Variants in PROM2 observed in about 807,000 individuals in gnomAD.
The protein encoded by PROM2 is prominin 2.
Under a neutral mutation model 110.2 loss-of-function variants are expected in PROM2, and 90 were observed. The ratio of observed to expected loss-of-function variants is 0.82; its 90% CI spans 0.69 to 0.97. The LOEUF is 0.97. PROM2 is among the 50% of genes least tolerant of loss of function. The pLI, the probability that PROM2 is intolerant of heterozygous loss-of-function variation, is 0.00. For synonymous variants in PROM2, 470 were observed against 467.8 expected, an observed-to-expected ratio of 1.00 and a Z score of -0.06; for missense variants, 1,009 against 1,074.8, an observed-to-expected ratio of 0.94 and a Z score of 0.86.
chr2:95,278,656 T>C (rs1676824017), intron 8 of PROM2, 65 bp from the exon 9 acceptor site: 5 of 1,594,348 alleles, frequency 3.1e-6, no homozygotes, highest in South Asian at 1.1e-5. Context: ...CTGGTGACTT[T>C]GGGGTCTCCC....
intron 19 of PROM2, 71 bp from the exon 20 acceptor site, chr2:95,287,325 G>T (rs1333246192): frequency 1.3e-6 from 2 of 1,579,388 alleles, no homozygotes; most frequent in Non-Finnish European, 1.7e-6. Flanking sequence ...CCAGGCATGG[G>T]GGGTGGCGTG....
intron 21 of PROM2, 88 bp downstream of exon 21, chr2:95,288,388 C>G: frequency 6.3e-7 from 1 of 1,583,070 alleles, no homozygotes; most frequent in Non-Finnish European, 8.7e-7. Context: ...GGGTGTGAAG[C>G]CAGGCATGGC....
At chr2:95,286,720 C>T in intron 17 of PROM2, 84 bp from the exon 18 acceptor site, 1 of 860,128 alleles carries the variant, frequency 1.2e-6, no homozygotes, top group Non-Finnish European at 1.9e-6. Flanking sequence ...CCTCCCCTCC[C>T]CTCCACTCCC....
At chr2:95,278,315 G>T in intron 8 of PROM2, 1 of 536,062 alleles carries the variant, frequency 1.9e-6, no homozygotes. Flanking sequence ...TTGTGAGTCA[G>T]CGCCCAGGAC....
chr2:95,280,899 T>C (rs1225033813), intron 11 of PROM2, among the ~76,000 whole-genome samples: 1 of 152,156 alleles, frequency 6.6e-6, no homozygotes, highest in Admixed American at 6.6e-5. Context: ...CACCTCAACC[T>C]GTCCTCCCAC....
At chr2:95,281,181 A>T in intron 11 of PROM2, 61 bp from the exon 12 acceptor site, 1 of 1,582,516 alleles carries the variant, frequency 6.3e-7, no homozygotes, top group Non-Finnish European at 8.6e-7. Flanking sequence ...GGTGGGACAG[A>T]GGGTATGGTC....
At chr2:95,277,226 C>T in intron 6 of PROM2, 138 bp from the exon 7 acceptor site, 2 of 1,168,462 alleles carry the variant, frequency 1.7e-6, no homozygotes, top group Admixed American at 2.5e-5. Flanking sequence ...CTTAATGTGC[C>T]CTGGGGCAGT....
chr2:95,276,412 C>T lies in PROM2; in HGVS notation c.618+65C>T, dbSNP rs1186716671. On this transcript the variant is annotated intron_variant, in intron 4 of 23. Coordinates refer to ENST00000317620, the MANE Select transcript of PROM2 (RefSeq NM_001165978.3). This position sits in a 1 kb window ranked among gnomAD's most constrained non-coding sequence, Gnocchi z 4.6. The stretch of plus-strand genomic sequence containing the variant: ...GCACTGGGCCCGGGCAGGACAGAGC[C>T]GAGTGGGCCCTCGATGGCCCATAAC... 36 of 1,597,654 alleles carry T rather than the reference C, an allele frequency of 2.3e-5. No individual in the cohort carries two copies. The highest frequency in any genetic ancestry group is 2.7e-5 in the African/African-American group (2 of 74,616).
intron 7 of PROM2, 102 bp from the exon 8 acceptor site, chr2:95,277,828 G>T: frequency 1.0e-6 from 1 of 1,001,194 alleles, no homozygotes. Flanking sequence ...TTACACTTGA[G>T]GACATTGGGG....
intron 6 of PROM2, 60 bp downstream of exon 6, chr2:95,277,121 C>A: frequency 7.1e-7 from 1 of 1,401,250 alleles, no homozygotes; most frequent in South Asian, 1.3e-5. Context: ...CTGGGGCGAT[C>A]CCACCTGCAC....
At position 95,274,601 on chromosome 2, in the gene PROM2, G is replaced by C. The variant is rs1413717742; in HGVS notation, c.16G>C (p.Ala6Pro). ...TCCTGACCCCATGAAGCACACACTG[G>C]CTCTGCTGGCTCCCCTGCTGGGCCT... MKHTL[A>P]LLAPLLGLGL... The change falls in exon 1 of 24, where the codon GCT (alanine) becomes CCT (proline). Residue 6 changes from alanine to proline, a missense_variant. Coordinates refer to ENST00000317620, the MANE Select transcript of PROM2 (RefSeq NM_001165978.3). 2 of 1,593,780 alleles carry C rather than the reference G, an allele frequency of 1.3e-6. No homozygotes were observed. Among genetic ancestry groups the C allele is most frequent in the Admixed American group, 3.4e-5 (2 of 58,892 alleles).
In PROM2 at chr2:95,287,409, T is replaced by A; in HGVS notation, c.2189T>A (p.Phe730Tyr). The change falls in exon 20 of 24, where the codon TTC becomes TAC. Residue 730 changes from phenylalanine to tyrosine, a missense_variant. Physicochemically the swap from Phe to Tyr is conservative, Grantham distance 22 (BLOSUM62 3). Coordinates refer to ENST00000317620, the MANE Select transcript of PROM2 (RefSeq NM_001165978.3). Reference protein sequence around the residue: ...ARILRNVSECFLAREMGYFSQ... With the variant: ...ARILRNVSECYLAREMGYFSQ... ...TCCTTCCTGCAGGTGAGTGAGTGTT[T>A]CCTGGCCCGGGAGATGGGCTACTTC... is the stretch of plus-strand genomic sequence containing the variant. 6.2e-7 allele frequency: 1 copy of A among 1,614,072 alleles called. No individual in the cohort carries two copies. Among genetic ancestry groups the A allele is most frequent in the Middle Eastern group, 1.7e-4 (1 of 6,040 alleles).
chr2:95,276,578 C>A lies in PROM2; in HGVS notation c.619-16C>A, dbSNP rs1276311564. 1 of 1,613,978 alleles carries A rather than the reference C, an allele frequency of 6.2e-7. No individual in the cohort carries two copies. The highest frequency in any genetic ancestry group is 8.5e-7 in the Non-Finnish European group (1 of 1,180,000). On this transcript the variant is annotated splice_polypyrimidine_tract_variant and intron_variant, in intron 4 of 23. Transcript: ENST00000317620. This position sits in a 1 kb window ranked among gnomAD's most constrained non-coding sequence, Gnocchi z 4.6. ...GTGACCAGGAAGGGCAGCCTCAGGG[C>A]CTTGTGTTTGCCTAGGAGCTGCAGG...
At chr2:95,285,341 C>G (rs1473918641) in intron 15 of PROM2, among the ~76,000 whole-genome samples, 1 of 152,224 alleles carries the variant, frequency 6.6e-6, no homozygotes, top group Non-Finnish European at 1.5e-5. Context: ...AACCCAACAG[C>G]ATGTGTTGCT....
rs978125823 is a variant in PROM2 at position 95,288,960 on chromosome 2, C to G, written c.2469C>G (p.Leu823=). The G allele has an allele frequency of 6.2e-6, 10 of 1,614,042 alleles. No homozygotes were observed. The African/African-American group carries it at 1.2e-4, about 19-fold the overall frequency. Residue 823 remains leucine, a synonymous_variant, in exon 23 of 24, where the codon CTC becomes CTG. Transcript: ENST00000317620. The stretch of plus-strand genomic sequence containing the variant: ...CCACCAGCTCTGAGGAGACTCAGCT[C>G]TTCCACATCCCCCGGGTTACCTCCC... ...LSSTSSEETQ[L]FHIPRVTSLK...
In PROM2 at chr2:95,276,401, C is replaced by G. The variant is rs753962522; in HGVS notation, c.618+54C>G. ...TGCCCCTGTGAGCACTGGGCCCGGG[C>G]AGGACAGAGCCGAGTGGGCCCTCGA... On this transcript the variant is annotated intron_variant, in intron 4 of 23. Transcript: ENST00000317620. This position sits in a 1 kb window ranked among gnomAD's most constrained non-coding sequence, Gnocchi z 4.6. 6.2e-6 allele frequency: 10 copies of G among 1,601,626 alleles called. No homozygotes were observed. The East Asian group carries it at 1.8e-4, about 29-fold the overall frequency.
Position 95,279,979 on chromosome 2 carries a change from G to A in PROM2, c.1409G>A (p.Gly470Glu), listed in dbSNP as rs751957720. 4 of 1,468,236 alleles carry A rather than the reference G, an allele frequency of 2.7e-6. No individual in the cohort carries two copies. The highest frequency in any genetic ancestry group is 4.8e-5 in the Admixed American group (2 of 41,392). The allele number at this position is 1,468,236 out of a possible 1,614,324, so 91.0% of individuals were successfully genotyped here. ...PSHPEAKGEAGARFLMAGVGL... is the reference protein window; with the variant it reads ...PSHPEAKGEAEARFLMAGVGL... ...CACCCAGAAGCCAAGGGCGAGGCTGGAGCCCGCTTCCTCATGGCGTAAGAA... is the reference window on the plus strand; with the variant it reads ...CACCCAGAAGCCAAGGGCGAGGCTGAAGCCCGCTTCCTCATGGCGTAAGAA... Residue 470 changes from glycine (G) to glutamate (E), a missense_variant, in exon 11 of 24, where the codon GGA (glycine) becomes GAA (glutamate). By Grantham distance (98) the Gly-to-Glu change is moderately conservative (BLOSUM62 -2). Transcript: ENST00000317620.
chr2:95,275,656 C>T lies in PROM2; in HGVS notation c.294+146C>T, dbSNP rs558855512. ...GGCATCCTCTCCCCTCCTCTGTGGG[C>T]GCTGCAGTCCGTAGACCTGGGTGCA... On this transcript the variant is annotated intron_variant, in intron 2 of 23. Transcript: ENST00000317620. The surrounding 1 kb of genome is among the most constrained non-coding windows in gnomAD (Gnocchi z 4.4). 106 of 1,343,514 alleles carry T rather than the reference C, an allele frequency of 7.9e-5. No individual in the cohort carries two copies. Among genetic ancestry groups the T allele is most frequent in the African/African-American group, 6.6e-4 (45 of 68,514 alleles). 83.2% of individuals were successfully genotyped at this position (1,343,514 alleles called of 1,614,324 possible). A position where few individuals can be genotyped will look rare whatever the true frequency, so the allele number is the denominator to read the frequency against.
chr2:95,287,536 GC>G, intron 20 of PROM2, 72 bp downstream of exon 20: 3 of 1,498,702 alleles, frequency 2.0e-6, no homozygotes, highest in Non-Finnish European at 1.8e-6. Context: ...GCTCTGCCCC[GC>G]CCCCGCCCCC....
Sources: gnomAD v4.1 joint callset for allele counts (sites outside exome capture counted in the v4.1 genomes callset) on GRCh38, gnomAD v4.1.1 for gene constraint, Gnocchi (gnomAD v3.1) non-coding constraint, MANE v1.5 for transcripts, NCBI Gene and HGNC (gene_info 2026-07-23, HGNC 2026-07-21) for gene names.